Variants in ROBO1 observed in about 807,000 individuals in gnomAD.
ROBO1 encodes the protein roundabout homolog 1.
In ROBO1, 149 loss-of-function variants were observed where a neutral mutation model predicts 195.9. That is an observed-to-expected ratio of 0.76 (90% CI 0.67 to 0.87). ROBO1 has a LOEUF of 0.87. Ranked by LOEUF, ROBO1 falls within the 40% of genes least tolerant of loss-of-function variation. ROBO1 has a pLI of 0.00. For missense variants in ROBO1, 1,933 were observed against 2,068.3 expected, an observed-to-expected ratio of 0.93 and a Z score of 1.27; for synonymous variants, 816 against 733.2, an observed-to-expected ratio of 1.11 and a Z score of -1.82.
At chr3:79,625,422 T>TG (rs1945136893) in intron 1 of ROBO1, among the ~76,000 whole-genome samples, 1 of 3,982 alleles carries the variant, frequency 2.5e-4, no homozygotes, top group East Asian at 7.0e-3. Context: ...CTGTTTTTTT[T>TG]GAAAAAAAAA....
chr3:79,235,011 T>A (rs2082383213), intron 2 of ROBO1, among the ~76,000 whole-genome samples: 4 of 152,080 alleles, frequency 2.6e-5, no homozygotes, highest in Admixed American at 6.6e-5. Flanking sequence ...ACAAGCAATA[T>A]CAAATAAATG....
At chr3:79,488,973 C>G (rs73131047) in intron 2 of ROBO1, among the ~76,000 whole-genome samples, 8,694 of 152,166 alleles carry the variant, frequency 0.057, 399 homozygotes, top group Admixed American at 0.13. Context: ...CTCCCCTCTC[C>G]TCCACAGTAG....
intron 2 of ROBO1, among the ~76,000 whole-genome samples, chr3:79,381,765 A>G (rs1387377803): frequency 6.6e-6 from 1 of 152,048 alleles, no homozygotes; most frequent in East Asian, 1.9e-4. Flanking sequence ...ATGTTTTCAT[A>G]TGTAAAATGC....
At chr3:79,706,774 G>A (rs1258974976) in intron 1 of ROBO1, among the ~76,000 whole-genome samples, 1 of 151,986 alleles carries the variant, frequency 6.6e-6, no homozygotes, top group Non-Finnish European at 1.5e-5. Context: ...CAGCTACTTG[G>A]AACTGTAAGT....
chr3:78,902,659 A>G (rs2037656784), intron 4 of ROBO1, among the ~76,000 whole-genome samples: 1 of 152,102 alleles, frequency 6.6e-6, no homozygotes, highest in Non-Finnish European at 1.5e-5. Flanking sequence ...CCTGGCCAAC[A>G]TGATGAAACC....
chr3:79,737,982 A>G (rs563041028), intron 1 of ROBO1, among the ~76,000 whole-genome samples: 1 of 152,072 alleles, frequency 6.6e-6, no homozygotes, highest in Non-Finnish European at 1.5e-5. Flanking sequence ...TTAGTCATCT[A>G]CTTGGTTAGA....
intron 3 of ROBO1, among the ~76,000 whole-genome samples, chr3:79,107,106 TTCTC>T (rs1162609873): frequency 2.6e-4 from 32 of 125,420 alleles, no homozygotes; most frequent in African/African-American, 6.6e-4. Flanking sequence ...ACCTCTCTCT[TTCTC>T]TCTCTCTCTC....
intron 3 of ROBO1, among the ~76,000 whole-genome samples, chr3:78,971,673 A>G (rs1185075330): frequency 6.6e-6 from 1 of 152,226 alleles, no homozygotes; most frequent in Non-Finnish European, 1.5e-5. Context: ...TGGACAAATA[A>G]AAGAGCTTCT....
chr3:79,105,862 T>C (rs927416826), intron 3 of ROBO1, among the ~76,000 whole-genome samples: 1 of 151,784 alleles, frequency 6.6e-6, no homozygotes, highest in Non-Finnish European at 1.5e-5. Flanking sequence ...AAGCTCCTGC[T>C]GTGTATATAG....
chr3:79,115,364 T>A (rs761964975), intron 3 of ROBO1, among the ~76,000 whole-genome samples: 1 of 152,044 alleles, frequency 6.6e-6, no homozygotes, highest in Non-Finnish European at 1.5e-5. Context: ...ACGAGATGGA[T>A]CCTTTGAATG....
chr3:79,036,302 A>C (rs1455328216), intron 3 of ROBO1, among the ~76,000 whole-genome samples: 2 of 151,912 alleles, frequency 1.3e-5, no homozygotes, highest in Non-Finnish European at 2.9e-5. Context: ...ATTTGGATGA[A>C]TTTTGCCTTA....
At chr3:78,710,275 C>T (rs2081650589) in intron 8 of ROBO1, among the ~76,000 whole-genome samples, 2 of 152,082 alleles carry the variant, frequency 1.3e-5, no homozygotes, top group African/African-American at 2.4e-5. Context: ...GCCATGAACT[C>T]CTGGCCACAA....
intron 4 of ROBO1, among the ~76,000 whole-genome samples, chr3:78,879,741 C>A (rs1260399772): frequency 6.6e-6 from 1 of 152,098 alleles, no homozygotes; most frequent in Admixed American, 6.6e-5. Context: ...TAGCTGTCTG[C>A]ACTCCCTTTG....
chr3:79,677,072 C>T (rs1946804357), intron 1 of ROBO1, among the ~76,000 whole-genome samples: 1 of 151,970 alleles, frequency 6.6e-6, no homozygotes, highest in Admixed American at 6.6e-5. Flanking sequence ...TTTCATGATT[C>T]CCAACTCTTG....
chr3:79,352,987 C>G (rs867452130), intron 2 of ROBO1, among the ~76,000 whole-genome samples: 42 of 152,208 alleles, frequency 2.8e-4, no homozygotes, highest in African/African-American at 9.6e-4. Flanking sequence ...GTACTGATTA[C>G]AGAGAGTTAA....
At chr3:79,468,214 C>A (rs904731750) in intron 2 of ROBO1, among the ~76,000 whole-genome samples, 1 of 152,200 alleles carries the variant, frequency 6.6e-6, no homozygotes, top group Non-Finnish European at 1.5e-5. Context: ...ATTGTCATAG[C>A]CCCAATACCT....
rs544040585 is a variant in ROBO1 at position 78,693,926 on chromosome 3, G to A, written c.1046-5154C>T. ...ACAGATTATGATTCTACAGGTTAGC[G>A]GTGTGACTGGAGATTTTGCATTTTT... On this transcript the variant is annotated intron_variant, in intron 8 of 30. Coordinates refer to ENST00000464233, the MANE Select transcript of ROBO1 (RefSeq NM_002941.4). Among the ~76,000 whole-genome samples, 9 of 152,146 alleles carry A rather than the reference G, an allele frequency of 5.9e-5. No individual in the cohort carries two copies. In the South Asian group the frequency reaches 1.7e-3, roughly 28 times the overall value.
At chr3:78,689,722 A>G (rs1307599877) in intron 8 of ROBO1, among the ~76,000 whole-genome samples, 3 of 152,026 alleles carry the variant, frequency 2.0e-5, no homozygotes, top group Non-Finnish European at 4.4e-5. Context: ...AATAGTTTCT[A>G]CAGGACAGGG....
rs947698155 is a variant in ROBO1 at position 78,801,757 on chromosome 3, G to A, written c.500-54857C>T. 2.6e-5 allele frequency among the ~76,000 whole-genome samples: 4 copies of A among 152,030 alleles called. No homozygotes were observed. The East Asian group carries it at 5.8e-4, about 22-fold the overall frequency. On this transcript the variant is annotated intron_variant, in intron 4 of 30. Coordinates refer to ENST00000464233, the MANE Select transcript of ROBO1 (RefSeq NM_002941.4). ...TATTTTCATACGATTATAACAAATA[G>A]TAATACAACTCATTTGAACATGGAA... is the stretch of plus-strand genomic sequence containing the variant.
Sources: gnomAD v4.1 joint callset for allele counts (sites outside exome capture counted in the v4.1 genomes callset) on GRCh38, gnomAD v4.1.1 for gene constraint, MANE v1.5 for transcripts, NCBI Gene and HGNC (gene_info 2026-07-23, HGNC 2026-07-21) for gene names.